Variants in CALD1 observed in about 807,000 individuals in gnomAD.
CALD1 encodes the protein caldesmon.
Under a neutral mutation model 99.9 loss-of-function variants are expected in CALD1, and 33 were observed. The ratio of observed to expected loss-of-function variants is 0.33; its 90% CI spans 0.25 to 0.44. CALD1 has a LOEUF of 0.44. Among genes scored for constraint, CALD1 ranks in the 20% least tolerant of loss-of-function variants. The pLI is 1.00. For synonymous variants in CALD1, 310 were observed against 325.0 expected (o/e 0.95, Z 0.50); for missense variants, 861 against 962.1 (o/e 0.89, Z 1.39).
At chr7:134,916,147 G>A (rs1430514254) in intron 3 of CALD1, among the ~76,000 whole-genome samples, 1 of 152,194 alleles carries the variant, frequency 6.6e-6, no homozygotes, top group Non-Finnish European at 1.5e-5. Context: ...AGCACATGGA[G>A]TGGGGGTATG....
At chr7:134,879,755 T>C (rs1259514541) in intron 3 of CALD1, among the ~76,000 whole-genome samples, 2 of 152,238 alleles carry the variant, frequency 1.3e-5, no homozygotes, top group African/African-American at 4.8e-5. Flanking sequence ...TAAGGTATTT[T>C]ATAATTTTTA....
At chr7:134,807,682 G>A (rs535966884) in intron 1 of CALD1, among the ~76,000 whole-genome samples, 1 of 152,134 alleles carries the variant, frequency 6.6e-6, no homozygotes, top group East Asian at 1.9e-4. Context: ...CAGTTGTCTG[G>A]AGTGGAGCGA....
At chr7:134,797,996 C>T (rs1427683879) in intron 1 of CALD1, among the ~76,000 whole-genome samples, 1 of 152,166 alleles carries the variant, frequency 6.6e-6, no homozygotes, top group Non-Finnish European at 1.5e-5. Flanking sequence ...ATGCCCCACA[C>T]CCAGTTTCCC....
At chr7:134,903,070 C>T (rs887936385) in intron 3 of CALD1, among the ~76,000 whole-genome samples, 4 of 152,120 alleles carry the variant, frequency 2.6e-5, no homozygotes, top group Non-Finnish European at 5.9e-5. Flanking sequence ...TCTGAAAAGG[C>T]TGCATACTGT....
At chr7:134,810,730 C>T (rs1798321207) in intron 1 of CALD1, among the ~76,000 whole-genome samples, 1 of 152,182 alleles carries the variant, frequency 6.6e-6, no homozygotes, top group Non-Finnish European at 1.5e-5. Flanking sequence ...AGCCTTCATT[C>T]TGTGCTCAGC....
At chr7:134,795,487 T>C (rs1797711016) in intron 1 of CALD1, among the ~76,000 whole-genome samples, 1 of 152,232 alleles carries the variant, frequency 6.6e-6, no homozygotes, top group Non-Finnish European at 1.5e-5. Flanking sequence ...TTACCCAGTC[T>C]TGGATACGTC....
At chr7:134,805,597 C>T (rs1298093217) in intron 1 of CALD1, among the ~76,000 whole-genome samples, 1 of 152,098 alleles carries the variant, frequency 6.6e-6, no homozygotes, top group African/African-American at 2.4e-5. Context: ...TCATTCTTCC[C>T]TCAGAATCCT....
chr7:134,726,480 ATATATAT>A, the CALD1 span, among the ~76,000 whole-genome samples: 2 of 139,478 alleles, frequency 1.4e-5, 1 homozygote, highest in African/African-American at 5.6e-5. Context: ...TAGATATATA[ATATATAT>A]TATATAGCTT....
chr7:134,878,149 G>A (rs1801435071), intron 3 of CALD1, among the ~76,000 whole-genome samples: 1 of 152,064 alleles, frequency 6.6e-6, no homozygotes, highest in African/African-American at 2.4e-5. Context: ...GAGATCATAC[G>A]AATTTAGGTA....
intron 1 of CALD1, among the ~76,000 whole-genome samples, chr7:134,806,056 C>T (rs983104564): frequency 6.6e-6 from 1 of 152,328 alleles, no homozygotes; most frequent in African/African-American, 2.4e-5. Flanking sequence ...CCACCACACC[C>T]GGCCCCAAAG....
At chr7:134,765,143 T>C (rs1796814071) in intron 1 of CALD1, among the ~76,000 whole-genome samples, 1 of 151,978 alleles carries the variant, frequency 6.6e-6, no homozygotes, top group Non-Finnish European at 1.5e-5. Flanking sequence ...GGTGAAACCC[T>C]GTCTCTACTA....
chr7:134,749,282 T>C (rs1267852963), intron 1 of CALD1, among the ~76,000 whole-genome samples: 2 of 152,198 alleles, frequency 1.3e-5, no homozygotes, highest in African/African-American at 4.8e-5. Context: ...GAACCAAAGA[T>C]AGAAGTGACT....
chr7:134,899,197 C>T (rs1586242633), intron 3 of CALD1, among the ~76,000 whole-genome samples: 1 of 150,292 alleles, frequency 6.7e-6, no homozygotes, highest in African/African-American at 2.4e-5. Flanking sequence ...ACAAATGCTT[C>T]TTTCTTTTTC....
intron 9 of CALD1, 74 bp downstream of exon 9, chr7:134,950,588 T>C: frequency 8.6e-7 from 1 of 1,159,662 alleles, no homozygotes; most frequent in Non-Finnish European, 1.3e-6. Flanking sequence ...TAGTTATTGA[T>C]TATACAGGGC....
intron 1 of CALD1, among the ~76,000 whole-genome samples, chr7:134,808,255 C>G (rs1003958369): frequency 7.4e-6 from 1 of 135,538 alleles, no homozygotes; most frequent in African/African-American, 2.8e-5. Context: ...CATGTGCTAT[C>G]ATGCTGGGCT....
intron 3 of CALD1, among the ~76,000 whole-genome samples, chr7:134,916,160 C>T (rs1005768865): frequency 6.6e-6 from 1 of 152,194 alleles, no homozygotes; most frequent in African/African-American, 2.4e-5. Context: ...GGGGTATGAG[C>T]CAACTGGATG....
chr7:134,755,355 A>AT (rs952914025), intron 1 of CALD1, among the ~76,000 whole-genome samples: 115 of 151,808 alleles, frequency 7.6e-4, no homozygotes, highest in African/African-American at 2.6e-3. Flanking sequence ...GCATTTAAGT[A>AT]TTTTTTTTCA....
chr7:134,826,906 T>A (rs1478708913), intron 1 of CALD1, among the ~76,000 whole-genome samples: 1 of 152,222 alleles, frequency 6.6e-6, no homozygotes, highest in Non-Finnish European at 1.5e-5. Flanking sequence ...AGTTCTTTTT[T>A]TCTTCATTCC....
intron 1 of CALD1, among the ~76,000 whole-genome samples, chr7:134,753,022 AC>A (rs556918440): frequency 0.18 from 17,560 of 95,610 alleles, 1,354 homozygotes; most frequent in East Asian, 0.43. Context: ...AAAAAAAAAA[AC>A]AAAAAAAAAC....
Sources: allele counts gnomAD v4.1 joint callset (sites outside exome capture counted in the v4.1 genomes callset), GRCh38; gene constraint gnomAD v4.1.1; transcripts MANE v1.5; gene names NCBI Gene and HGNC (gene_info 2026-07-23, HGNC 2026-07-21).